Variants in LINC01488 observed in about 807,000 individuals in gnomAD.
The protein encoded by LINC01488 is long independently transcribed non-coding RNA 1488, also known as CCND1-upstream intergenic DNA repair 1.
chr11:69,492,228 G>C (rs951323669), exon 4 of LINC01488: 1 of 152,228 alleles, frequency 6.6e-6, no homozygotes, highest in African/African-American at 2.4e-5. Flanking sequence ...GGTGATGGCG[G>C]GGTAGAGCCA....
chr11:69,486,429 C>T (rs1234073275), intron 1 of LINC01488, among the ~76,000 whole-genome samples: 1 of 152,226 alleles, frequency 6.6e-6, no homozygotes, highest in Non-Finnish European at 1.5e-5. Flanking sequence ...AGGTTCATCT[C>T]CCCAGGTGTT....
chr11:69,483,586 C>T (rs979110292), intron 1 of LINC01488, among the ~76,000 whole-genome samples: 5 of 152,130 alleles, frequency 3.3e-5, no homozygotes, highest in Non-Finnish European at 5.9e-5. Context: ...TGTCTGTGAC[C>T]CGGGCTCAGA....
rs566339025 is a variant in LINC01488, at chr11:69,482,895, C to T, written n.122+1112C>T. ...ACAGGGTTGTTCCTCTATGTGGGTC[C>T]GTATCCTAATCTTATGAGGATGCCA... On this transcript the variant is annotated intron_variant and non_coding_transcript_variant, in intron 1 of 3. Transcript: ENST00000644563. Among the ~76,000 whole-genome samples, 39 of 152,258 alleles carry T rather than the reference C, an allele frequency of 2.6e-4. No individual in the cohort carries two copies. The East Asian group carries it at 7.3e-3, about 29-fold the overall frequency.
At chr11:69,489,843 C>T (rs1857190439) in intron 1 of LINC01488, among the ~76,000 whole-genome samples, 1 of 152,188 alleles carries the variant, frequency 6.6e-6, no homozygotes. Flanking sequence ...TTCCACCTTG[C>T]CCTCTGTAGC....
chr11:69,484,076 G>A (rs1216626468), intron 1 of LINC01488, among the ~76,000 whole-genome samples: 2 of 152,246 alleles, frequency 1.3e-5, no homozygotes, highest in South Asian at 2.1e-4. Context: ...GGGAACTAGG[G>A]CCCTAGGTAC....
chr11:69,492,303 T>A (rs890127241), exon 4 of LINC01488: 1 of 152,138 alleles, frequency 6.6e-6, no homozygotes, highest in East Asian at 1.9e-4. Flanking sequence ...GGCAGAATCG[T>A]GCCTCCCGCA....
intron 1 of LINC01488, among the ~76,000 whole-genome samples, chr11:69,488,505 C>T (rs1328498193): frequency 6.6e-6 from 1 of 152,248 alleles, no homozygotes; most frequent in Non-Finnish European, 1.5e-5. Context: ...CAGACCCAGG[C>T]CTCTCCCACG....
intron 1 of LINC01488, among the ~76,000 whole-genome samples, chr11:69,487,588 G>A (rs773771331): frequency 6.6e-5 from 10 of 152,176 alleles, no homozygotes; most frequent in Non-Finnish European, 1.2e-4. Flanking sequence ...CCTGTTCCCC[G>A]TCGGTCATGG....
In LINC01488 at chr11:69,483,710, T is replaced by C. The variant is rs1004003861; in HGVS notation, n.122+1927T>C. Among the ~76,000 whole-genome samples, 63 of 152,198 alleles carry C rather than the reference T, an allele frequency of 4.1e-4. 1 individual carries two copies. The highest frequency in any genetic ancestry group is 1.5e-4 in the Non-Finnish European group (10 of 68,018). ...GCAGCCCCAGCCGCACCCCATTTTA[T>C]GCATATGAGAGAGAAATGCAGGCGT... is the stretch of plus-strand genomic sequence containing the variant. On this transcript the variant is annotated intron_variant and non_coding_transcript_variant, in intron 1 of 3. Coordinates refer to ENST00000644563, the Ensembl canonical transcript of LINC01488.
chr11:69,482,451 G>A (rs1194631936), intron 1 of LINC01488, among the ~76,000 whole-genome samples: 2 of 152,108 alleles, frequency 1.3e-5, no homozygotes, highest in African/African-American at 4.8e-5. Flanking sequence ...CGAGTGGATG[G>A]ATGAATGGAT....
At chr11:69,488,886 C>G (rs1378293971) in intron 1 of LINC01488, among the ~76,000 whole-genome samples, 1 of 152,190 alleles carries the variant, frequency 6.6e-6, no homozygotes, top group Non-Finnish European at 1.5e-5. Context: ...CCTGCACAGC[C>G]GTAGCCTTGA....
chr11:69,485,025 C>G (rs944646528), intron 1 of LINC01488, among the ~76,000 whole-genome samples: 3 of 152,222 alleles, frequency 2.0e-5, no homozygotes, highest in African/African-American at 7.2e-5. Flanking sequence ...CCACCCAACC[C>G]CCCGCCACCA....
intron 1 of LINC01488, among the ~76,000 whole-genome samples, chr11:69,482,042 A>G (rs1217757666): frequency 6.6e-6 from 1 of 151,204 alleles, no homozygotes; most frequent in African/African-American, 2.4e-5. Flanking sequence ...TGAGTGGTGT[A>G]TTAGTCTATT....
At chr11:69,486,650 G>A (rs1304468774) in intron 1 of LINC01488, among the ~76,000 whole-genome samples, 1 of 152,200 alleles carries the variant, frequency 6.6e-6, no homozygotes, top group Non-Finnish European at 1.5e-5. Context: ...GACTGAGGAT[G>A]AGGAGAGAGG....
exon 4 of LINC01488, chr11:69,492,806 C>T (rs1056633899): frequency 4.6e-5 from 7 of 152,232 alleles, no homozygotes; most frequent in African/African-American, 1.7e-4. Flanking sequence ...CACACTGAAG[C>T]CTCCTGGAAT....
chr11:69,486,013 C>G (rs1483727055), intron 1 of LINC01488: 1 of 152,292 alleles, frequency 6.6e-6, no homozygotes, highest in Non-Finnish European at 1.5e-5. Context: ...GGAGGCATCT[C>G]AAATGGGGAC....
intron 1 of LINC01488, chr11:69,485,523 AG>A (rs1300709123): frequency 5.3e-5 from 8 of 152,290 alleles, no homozygotes; most frequent in African/African-American, 1.9e-4. Flanking sequence ...TGGGGGCGTG[AG>A]CTAGAAGAGC....
intron 1 of LINC01488, among the ~76,000 whole-genome samples, chr11:69,489,357 C>T (rs12364028): frequency 1.2e-3 from 183 of 152,366 alleles, no homozygotes; most frequent in Middle Eastern, 3.4e-3. Flanking sequence ...AGGCTGCTGC[C>T]GTTGGGCTCT....
chr11:69,488,529 A>T (rs1235412272), intron 1 of LINC01488, among the ~76,000 whole-genome samples: 1 of 152,202 alleles, frequency 6.6e-6, no homozygotes, highest in Non-Finnish European at 1.5e-5. Flanking sequence ...ACAGGAGGGT[A>T]CAGAAAAGGC....
Sources: gnomAD v4.1 joint callset for allele counts (sites outside exome capture counted in the v4.1 genomes callset) on GRCh38, gnomAD v4.1.1 for gene constraint, MANE v1.5 for transcripts, NCBI Gene and HGNC (gene_info 2026-07-23, HGNC 2026-07-21) for gene names.